Variants in KCNH8 observed in about 807,000 individuals in gnomAD.
KCNH8 encodes the protein potassium voltage-gated channel subfamily H member 8.
Under a neutral mutation model 103.6 loss-of-function variants are expected in KCNH8, and 70 were observed. The observed-to-expected ratio is 0.68, with a 90% CI of 0.56 to 0.82. The LOEUF is 0.82. Among genes scored for constraint, KCNH8 ranks in the 40% least tolerant of loss-of-function variants. The pLI, the probability that KCNH8 is intolerant of heterozygous loss-of-function variation, is 0.00. For missense variants in KCNH8, 1,217 were observed against 1,329.9 expected (o/e 0.92, Z 1.32); for synonymous variants, 498 against 489.4 (o/e 1.02, Z -0.23).
At position 19,375,862 on chromosome 3, in the gene KCNH8, A is replaced by G. The variant is rs562548318; in HGVS notation, c.812-14619A>G. On this transcript the variant is annotated intron_variant, in intron 5 of 15. Coordinates refer to ENST00000328405, the MANE Select transcript of KCNH8 (RefSeq NM_144633.3). ...AGCTGCAGGTCTGTTGGAGTACCCTACTGTGTGAGGTGTCAGTGTGCCCTT... is the reference window on the plus strand; with the variant it reads ...AGCTGCAGGTCTGTTGGAGTACCCTGCTGTGTGAGGTGTCAGTGTGCCCTT... 3.5e-3 allele frequency among the ~76,000 whole-genome samples: 526 copies of G among 151,728 alleles called. 1 individual carries two copies. The highest frequency in any genetic ancestry group is 5.2e-3 in the Non-Finnish European group (355 of 67,788).
chr3:19,333,292 A>G (rs1023994660), intron 3 of KCNH8, among the ~76,000 whole-genome samples: 1 of 152,174 alleles, frequency 6.6e-6, no homozygotes, highest in Admixed American at 6.6e-5. Flanking sequence ...TTTTCCCAGT[A>G]TGTAATTTGT....
intron 3 of KCNH8, among the ~76,000 whole-genome samples, chr3:19,299,345 C>T (rs1047282898): frequency 6.6e-6 from 1 of 151,230 alleles, no homozygotes; most frequent in African/African-American, 2.4e-5. Context: ...AATGTCCATT[C>T]TAAATCAGGA....
In KCNH8 at chr3:19,423,045, A is replaced by G. The variant is rs2066973831; in HGVS notation, c.1178-15119A>G. Among the ~76,000 whole-genome samples the G allele has an allele frequency of 2.6e-5, 4 of 152,218 alleles. 1 individual carries two copies. Among genetic ancestry groups the G allele is most frequent in the South Asian group, 4.1e-4 (2 of 4,826 alleles). On this transcript the variant is annotated intron_variant, in intron 7 of 15. Transcript: ENST00000328405. The stretch of plus-strand genomic sequence containing the variant: ...TACATCATAGTGATGATGATCCACA[A>G]TGATTAGAAATTATTATCTCAACAC...
intron 3 of KCNH8, among the ~76,000 whole-genome samples, chr3:19,318,230 A>G (rs1194360947): frequency 6.6e-6 from 1 of 151,832 alleles, no homozygotes; most frequent in Non-Finnish European, 1.5e-5. Flanking sequence ...CCATTTTCAC[A>G]TTGCTATAAA....
intron 7 of KCNH8, among the ~76,000 whole-genome samples, chr3:19,415,698 G>T (rs1359028108): frequency 6.6e-6 from 1 of 152,074 alleles, no homozygotes; most frequent in East Asian, 1.9e-4. Flanking sequence ...TATTAGGTTG[G>T]TGCAAAAGTA....
chr3:19,511,745 A>T (rs1445386999), intron 12 of KCNH8, among the ~76,000 whole-genome samples: 1 of 152,182 alleles, frequency 6.6e-6, no homozygotes, highest in Non-Finnish European at 1.5e-5. Flanking sequence ...AGATGAGTCT[A>T]AGAATGCCAT....
intron 1 of KCNH8, among the ~76,000 whole-genome samples, chr3:19,180,358 G>A (rs1343389731): frequency 1.3e-5 from 2 of 151,746 alleles, no homozygotes; most frequent in African/African-American, 2.4e-5. Flanking sequence ...TATTCAGAGA[G>A]ACATGCTTCT....
chr3:19,197,362 T>G (rs186993700), intron 1 of KCNH8, among the ~76,000 whole-genome samples: 2 of 152,198 alleles, frequency 1.3e-5, no homozygotes, highest in Admixed American at 1.3e-4. Context: ...CTGAACCTAA[T>G]AAACCTTGAA....
intron 1 of KCNH8, among the ~76,000 whole-genome samples, chr3:19,166,060 C>G (rs2063280269): frequency 6.6e-6 from 1 of 152,154 alleles, no homozygotes; most frequent in South Asian, 2.1e-4. Context: ...ATGATGCCCT[C>G]CCACAGTGAG....
intron 3 of KCNH8, among the ~76,000 whole-genome samples, chr3:19,335,419 ATGTGTGTGTATATATATG>A (rs754002895): frequency 9.9e-5 from 9 of 91,094 alleles, no homozygotes; most frequent in African/African-American, 4.0e-4. Flanking sequence ...AAAGTAGTAT[ATGTGTGTGTATATATATG>A]TGTGTGTGTA....
intron 11 of KCNH8, 98 bp downstream of exon 11, chr3:19,457,080 GTC>G (rs2067544568): frequency 2.7e-6 from 2 of 732,964 alleles, no homozygotes; most frequent in African/African-American, 3.6e-5. Context: ...ACCTTAAAAA[GTC>G]TCTGAATATC....
At chr3:19,350,593 G>A (rs994249958) in intron 5 of KCNH8, among the ~76,000 whole-genome samples, 7 of 152,206 alleles carry the variant, frequency 4.6e-5, no homozygotes, top group African/African-American at 1.7e-4. Flanking sequence ...TGCAGCCTCC[G>A]CTGGTGATAC....
intron 2 of KCNH8, 150 bp from the exon 3 acceptor site, chr3:19,281,048 T>C (rs1357042591): frequency 2.8e-6 from 2 of 707,766 alleles, no homozygotes; most frequent in East Asian, 2.8e-5. Flanking sequence ...TAGAAATTTA[T>C]GGAACCTGAA....
At chr3:19,374,733 T>C (rs2066163560) in intron 5 of KCNH8, among the ~76,000 whole-genome samples, 3 of 152,218 alleles carry the variant, frequency 2.0e-5, no homozygotes. Flanking sequence ...GATTTTGCAG[T>C]GGCTGGTACT....
intron 7 of KCNH8, among the ~76,000 whole-genome samples, chr3:19,397,751 G>A (rs1347346764): frequency 1.3e-5 from 2 of 151,730 alleles, no homozygotes; most frequent in African/African-American, 4.8e-5. Flanking sequence ...GATATGACTA[G>A]CAAGAGAGTA....
In KCNH8 at chr3:19,450,094, T is replaced by A; in HGVS notation, c.1376-12T>A. On this transcript the variant is annotated splice_polypyrimidine_tract_variant and intron_variant, in intron 8 of 15. Coordinates refer to ENST00000328405, the MANE Select transcript of KCNH8 (RefSeq NM_144633.3). Reference sequence around the variant, plus strand: ...ATTTCTCTTCCATTATATACTGTGTTGTTCTTTCTAGCCTTGATGCACGCC... The same window carrying A: ...ATTTCTCTTCCATTATATACTGTGTAGTTCTTTCTAGCCTTGATGCACGCC... The A allele has an allele frequency of 1.2e-6, 2 of 1,611,338 alleles. No individual in the cohort carries two copies. The highest frequency in any genetic ancestry group is 1.7e-6 in the Non-Finnish European group (2 of 1,177,926).
At chr3:19,495,834 T>C (rs1309062733) in intron 11 of KCNH8, among the ~76,000 whole-genome samples, 2 of 152,182 alleles carry the variant, frequency 1.3e-5, no homozygotes, top group African/African-American at 2.4e-5. Flanking sequence ...ATCATGAGCA[T>C]GGAGTGTTTT....
chr3:19,249,637 A>G (rs1423075083), intron 1 of KCNH8, among the ~76,000 whole-genome samples: 2 of 152,184 alleles, frequency 1.3e-5, no homozygotes, highest in Non-Finnish European at 2.9e-5. Context: ...AATTATAAAG[A>G]TGCTAAGGAA....
intron 1 of KCNH8, among the ~76,000 whole-genome samples, chr3:19,208,854 G>T (rs1311263229): frequency 6.6e-6 from 1 of 151,898 alleles, no homozygotes; most frequent in African/African-American, 2.4e-5. Flanking sequence ...GAAAACGGGG[G>T]TTGAATTTGC....
Sources: allele counts gnomAD v4.1 joint callset (sites outside exome capture counted in the v4.1 genomes callset), GRCh38; gene constraint gnomAD v4.1.1; transcripts MANE v1.5; gene names NCBI Gene and HGNC (gene_info 2026-07-23, HGNC 2026-07-21).